LAMA2: variants seen among roughly 807,000 people sequenced by gnomAD.
LAMA2 encodes the protein laminin subunit alpha 2.
A neutral mutation model predicts 364.8 loss-of-function variants in LAMA2; 269 were observed. The observed-to-expected ratio is 0.74, with a 90% CI of 0.67 to 0.82. LAMA2 has a LOEUF of 0.82. LAMA2 is among the 40% of genes least tolerant of loss of function. LAMA2 has a pLI of 0.00. For synonymous variants in LAMA2, 1,379 were observed against 1,370.6 expected (o/e 1.01, Z -0.14); for missense variants, 3,807 against 3,873.2 (o/e 0.98, Z 0.45).
chr6:129,171,732 A>T (rs1362638254), intron 9 of LAMA2, among the ~76,000 whole-genome samples: 1 of 124,456 alleles, frequency 8.0e-6, no homozygotes, highest in Non-Finnish European at 1.7e-5. Context: ...GCCTTGCTAG[A>T]TTGGGGAAGT....
At chr6:129,168,185 A>C (rs1196124664) in intron 9 of LAMA2, among the ~76,000 whole-genome samples, 5 of 146,584 alleles carry the variant, frequency 3.4e-5, no homozygotes, top group Non-Finnish European at 7.5e-5. Flanking sequence ...CCCATTTGTC[A>C]ATTTTGTCTT....
In LAMA2 at chr6:129,261,762, T is replaced by G. The variant is rs563719843; in HGVS notation, c.2208+940T>G. Among the ~76,000 whole-genome samples, 4 of 152,174 alleles carry G rather than the reference T, an allele frequency of 2.6e-5. No individual in the cohort carries two copies. In the South Asian group the frequency reaches 8.3e-4, roughly 31 times the overall value. Reference sequence around the variant, plus strand: ...CTAGAGATACGCATTATAGTCATATTCATGACAGCTGTGTTTCCTTTAACT... The same window carrying G: ...CTAGAGATACGCATTATAGTCATATGCATGACAGCTGTGTTTCCTTTAACT... On this transcript the variant is annotated intron_variant, in intron 15 of 64. Coordinates refer to ENST00000421865, the MANE Select transcript of LAMA2 (RefSeq NM_000426.4).
intron 1 of LAMA2, among the ~76,000 whole-genome samples, chr6:128,976,338 A>G (rs1243425792): frequency 6.6e-6 from 1 of 152,210 alleles, no homozygotes. Context: ...GCCATGCTCA[A>G]GTGTCCCAGT....
rs181531163 is a variant in LAMA2, at chr6:129,280,030, G to A, written c.2451-31G>A. The A allele has an allele frequency of 7.3e-5, 105 of 1,428,792 alleles. No homozygotes were observed. The East Asian group carries it at 1.8e-3, about 25-fold the overall frequency. The allele number at this position is 1,428,792 out of a possible 1,614,324, so 88.5% of individuals were successfully genotyped here. ...GACTTTGTGTATGTCCTTCTTCCTT[G>A]TCCCTGTTTTCCGCAACAACATCAA... On this transcript the variant is annotated intron_variant, in intron 17 of 64. Coordinates refer to ENST00000421865, the MANE Select transcript of LAMA2 (RefSeq NM_000426.4).
At chr6:129,324,356 T>A (rs956930575) in intron 28 of LAMA2, among the ~76,000 whole-genome samples, 36 of 152,312 alleles carry the variant, frequency 2.4e-4, no homozygotes, top group African/African-American at 7.5e-4. Context: ...TCCTGTACAC[T>A]TCCTAATACA....
chr6:129,464,843 A>G (rs1391450922), intron 50 of LAMA2, among the ~76,000 whole-genome samples: 2 of 151,924 alleles, frequency 1.3e-5, no homozygotes, highest in Non-Finnish European at 2.9e-5. Flanking sequence ...TTCTTACTGA[A>G]TTCTTTCTGG....
chr6:128,889,474 T>C (rs936233111), intron 1 of LAMA2, among the ~76,000 whole-genome samples: 4 of 152,166 alleles, frequency 2.6e-5, no homozygotes, highest in African/African-American at 9.7e-5. Flanking sequence ...TAATGCAATT[T>C]TGGCCTAATT....
intron 1 of LAMA2, among the ~76,000 whole-genome samples, chr6:129,017,106 A>G (rs1053278957): frequency 3.9e-5 from 6 of 152,020 alleles, no homozygotes; most frequent in South Asian, 4.1e-4. Flanking sequence ...AATGCATTTT[A>G]TCTCACACTT....
At chr6:129,336,271 C>T (rs1055523441) in intron 29 of LAMA2, among the ~76,000 whole-genome samples, 8 of 151,868 alleles carry the variant, frequency 5.3e-5, no homozygotes, top group African/African-American at 1.9e-4. Flanking sequence ...TCAACAAAGG[C>T]CCTGTGTCTA....
intron 1 of LAMA2, among the ~76,000 whole-genome samples, chr6:128,921,208 TAAAC>T (rs1778691325): frequency 6.6e-6 from 1 of 152,154 alleles, no homozygotes; most frequent in Non-Finnish European, 1.5e-5. Context: ...TAAGTTATGT[TAAAC>T]AAAAACAAAA....
intron 8 of LAMA2, among the ~76,000 whole-genome samples, chr6:129,159,398 G>A (rs576239826): frequency 2.0e-5 from 3 of 152,264 alleles, no homozygotes; most frequent in East Asian, 1.9e-4. Context: ...CGCTCCCGGC[G>A]TCTCTTCCCG....
Position 129,391,490 on chromosome 6 carries a change from G to A in LAMA2, c.5072-1G>A, listed in dbSNP as rs1779316690. 2 of 1,613,168 alleles carry A rather than the reference G, an allele frequency of 1.2e-6. No homozygotes were observed. Among genetic ancestry groups the A allele is most frequent in the African/African-American group, 1.3e-5 (1 of 74,886 alleles). On this transcript the variant is annotated splice_acceptor_variant, in intron 35 of 64. Transcript: ENST00000421865. LOFTEE classifies it high-confidence loss of function. The stretch of plus-strand genomic sequence containing the variant: ...TACAAAATTTGTTTTACCCCCTGCA[G>A]CTGTAAATGAAAAAGCTATAAAACT...
intron 30 of LAMA2, among the ~76,000 whole-genome samples, chr6:129,347,644 G>A (rs754625028): frequency 7.9e-5 from 12 of 152,102 alleles, no homozygotes; most frequent in Non-Finnish European, 1.6e-4. Context: ...GCAGCCATAG[G>A]GAAATGTAAA....
At position 129,162,415 on chromosome 6, in the gene LAMA2, T is replaced by C. The variant is rs78527076; in HGVS notation, c.1207-3161T>C. ...TCCCATTTTCCATACTCTGTGGTTC[T>C]AGCTTATATATATTGCCCTCCTGCT... On this transcript the variant is annotated intron_variant, in intron 8 of 64. Coordinates refer to ENST00000421865, the MANE Select transcript of LAMA2 (RefSeq NM_000426.4). Among the ~76,000 whole-genome samples, 377 of 152,260 alleles carry C rather than the reference T, an allele frequency of 2.5e-3. 2 individuals are homozygous for C. The highest frequency in any genetic ancestry group is 0.01 in the Middle Eastern group (3 of 294).
intron 3 of LAMA2, among the ~76,000 whole-genome samples, chr6:129,088,366 A>AACC (rs201712197): frequency 0.092 from 13,970 of 151,976 alleles, 804 homozygotes; most frequent in Middle Eastern, 0.19. Flanking sequence ...TATTCCACAA[A>AACC]ACCACCATCA....
intron 34 of LAMA2, among the ~76,000 whole-genome samples, chr6:129,378,585 T>C (rs780330926): frequency 3.0e-4 from 46 of 152,252 alleles, no homozygotes; most frequent in Non-Finnish European, 5.7e-4. Context: ...TCAAAACTTA[T>C]ATACTTAAAG....
intron 4 of LAMA2, among the ~76,000 whole-genome samples, chr6:129,102,135 T>C (rs1384341210): frequency 5.4e-5 from 8 of 149,430 alleles, no homozygotes; most frequent in African/African-American, 2.0e-4. Flanking sequence ...TCTTTCTTTT[T>C]TTTTTTTTTT....
chr6:128,964,777 C>A (rs765711067), intron 1 of LAMA2, among the ~76,000 whole-genome samples: 5 of 152,018 alleles, frequency 3.3e-5, no homozygotes, highest in Non-Finnish European at 5.9e-5. Context: ...AATGTTTGCT[C>A]TTAGTCCACA....
chr6:128,965,025 C>G (rs777396137), intron 1 of LAMA2, among the ~76,000 whole-genome samples: 2 of 151,834 alleles, frequency 1.3e-5, no homozygotes, highest in Non-Finnish European at 1.5e-5. Flanking sequence ...AGAGGAGTCC[C>G]CTCATGAACA....
Sources: gnomAD v4.1 joint callset for allele counts (sites outside exome capture counted in the v4.1 genomes callset) on GRCh38, gnomAD v4.1.1 for gene constraint, MANE v1.5 for transcripts, NCBI Gene and HGNC (gene_info 2026-07-23, HGNC 2026-07-21) for gene names.